RASSF8: variants seen among roughly 807,000 people sequenced by gnomAD.
The protein encoded by RASSF8 is Ras association domain family member 8, also known as ras association domain-containing protein 8.
In RASSF8, 22 loss-of-function variants were observed where a neutral mutation model predicts 48.5. The observed-to-expected ratio is 0.45, with a 90% CI of 0.32 to 0.65. The LOEUF (loss-of-function observed/expected upper bound fraction) is 0.65, where lower values mean the gene tolerates loss of function less well. Ranked by LOEUF, RASSF8 falls within the 30% of genes least tolerant of loss-of-function variation. The pLI is 0.03. For synonymous variants in RASSF8, 127 were observed against 171.5 expected (o/e 0.74, Z 2.03); for missense variants, 418 against 489.2 (o/e 0.85, Z 1.37).
In RASSF8 at chr12:25,967,940, C is replaced by T. The variant is rs112882201; in HGVS notation, c.-203+8792C>T. Among the ~76,000 whole-genome samples, 379 of 152,324 alleles carry T rather than the reference C, an allele frequency of 2.5e-3. 2 individuals are homozygous for T. The highest frequency in any genetic ancestry group is 3.7e-3 in the Non-Finnish European group (252 of 68,038). ...CTCCTCACCATGCACACCCTGGATC[C>T]CGCTGTCTTCGGGGCCCTTCTCTAT... On this transcript the variant is annotated intron_variant, in intron 1 of 5. Coordinates refer to ENST00000689635, the MANE Select transcript of RASSF8 (RefSeq NM_001394098.1).
chr12:25,995,768 C>T (rs1014646020), intron 2 of RASSF8, among the ~76,000 whole-genome samples: 14 of 152,104 alleles, frequency 9.2e-5, no homozygotes, highest in African/African-American at 3.1e-4. Flanking sequence ...ATGACTTATT[C>T]GTCCCAGGAG....
chr12:26,076,985 T>C (rs1318419137), downstream of RASSF8, among the ~76,000 whole-genome samples: 1 of 152,252 alleles, frequency 6.6e-6, no homozygotes, highest in East Asian at 1.9e-4. Flanking sequence ...TATCTCATTG[T>C]GGTTTTGATT....
At chr12:25,993,365 A>G (rs1942058890) in intron 1 of RASSF8, among the ~76,000 whole-genome samples, 1 of 151,318 alleles carries the variant, frequency 6.6e-6, no homozygotes, top group Admixed American at 6.6e-5. Context: ...AGTTTTAGAA[A>G]CTCATTCTCA....
Position 26,064,520 on chromosome 12 carries a change from T to C in RASSF8, c.126T>C (p.Leu42=). 2 of 1,594,670 alleles carry C rather than the reference T, an allele frequency of 1.3e-6. No homozygotes were observed. The highest frequency in any genetic ancestry group is 1.7e-6 in the Non-Finnish European group (2 of 1,168,652). The change falls in exon 4 of 6, where the codon CTT becomes CTC. Residue 42 remains leucine (L), a synonymous_variant. Coordinates refer to ENST00000689635, the MANE Select transcript of RASSF8 (RefSeq NM_001394098.1). Reference sequence around the variant, plus strand: ...TAGGTCGAACTGGAAGGTACACCCTTATAGAGAAATGGAGAGATACTGAAA... The same window carrying C: ...TAGGTCGAACTGGAAGGTACACCCTCATAGAGAAATGGAGAGATACTGAAA... ...QAIGRTGRYT[L]IEKWRDTERH...
chr12:26,033,624 A>T (rs1943072468), intron 2 of RASSF8, among the ~76,000 whole-genome samples: 1 of 152,204 alleles, frequency 6.6e-6, no homozygotes, highest in East Asian at 1.9e-4. Flanking sequence ...TGATAGAGGC[A>T]TAAGATGAAT....
rs139475693 is a variant in RASSF8 at position 26,014,215 on chromosome 12, C to T, written c.-109+19085C>T. Among the ~76,000 whole-genome samples, 43 of 152,294 alleles carry T rather than the reference C, an allele frequency of 2.8e-4. No homozygotes were observed. The East Asian group carries it at 6.7e-3, about 24-fold the overall frequency. On this transcript the variant is annotated intron_variant, in intron 2 of 5. Coordinates refer to ENST00000689635, the MANE Select transcript of RASSF8 (RefSeq NM_001394098.1). ...TTTTAACTAATAACGTTCATACTAG[C>T]GATGAAAACATATGTATGTGTTTCC...
At chr12:26,077,049 T>C (rs1208684099), downstream of RASSF8, among the ~76,000 whole-genome samples, 3 of 151,348 alleles carry the variant, frequency 2.0e-5, no homozygotes, top group African/African-American at 4.9e-5. Context: ...GTCTGTTGGC[T>C]GCATAAATGT....
At chr12:26,033,855 C>T (rs1943076561) in intron 2 of RASSF8, among the ~76,000 whole-genome samples, 2 of 152,108 alleles carry the variant, frequency 1.3e-5, no homozygotes, top group Non-Finnish European at 2.9e-5. Context: ...GTTGTATTGT[C>T]TCCAACTAGT....
intron 5 of RASSF8, among the ~76,000 whole-genome samples, chr12:26,077,909 T>C (rs1944085802): frequency 1.3e-5 from 2 of 152,250 alleles, no homozygotes; most frequent in Admixed American, 1.3e-4. Context: ...TTAAAATACT[T>C]ATCTCTAAAA....
chr12:26,003,175 T>G (rs1942302629), intron 2 of RASSF8, among the ~76,000 whole-genome samples: 1 of 152,206 alleles, frequency 6.6e-6, no homozygotes, highest in Admixed American at 6.5e-5. Context: ...GGATGTTGAA[T>G]TTTATCAAAT....
At chr12:25,999,041 C>A (rs767874202) in intron 2 of RASSF8, among the ~76,000 whole-genome samples, 9 of 151,940 alleles carry the variant, frequency 5.9e-5, no homozygotes, top group Non-Finnish European at 1.0e-4. Context: ...ATAAACAAGA[C>A]AAAGACCTTA....
At chr12:26,051,399 T>A (rs1267447014) in intron 2 of RASSF8, among the ~76,000 whole-genome samples, 1 of 152,218 alleles carries the variant, frequency 6.6e-6, no homozygotes, top group Non-Finnish European at 1.5e-5. Flanking sequence ...TAATGAATAT[T>A]CCTGTTAGTT....
At chr12:26,056,112 G>C (rs1943596926) in intron 3 of RASSF8, among the ~76,000 whole-genome samples, 1 of 152,136 alleles carries the variant, frequency 6.6e-6, no homozygotes, top group South Asian at 2.1e-4. Context: ...TTCAACCCAG[G>C]AGACAGAGGT....
downstream of RASSF8, among the ~76,000 whole-genome samples, chr12:26,073,613 C>G (rs959215046): frequency 6.6e-6 from 1 of 151,922 alleles, no homozygotes; most frequent in Non-Finnish European, 1.5e-5. Context: ...GTGGCGGGCA[C>G]CTGTAGTCCC....
rs1318717612 is a variant in RASSF8, at chr12:26,072,624, A to G, written c.*3806A>G. On this transcript the variant is annotated 3_prime_UTR_variant, in exon 6 of 6. Transcript: ENST00000689635. ...CAATATGTTTTTCTTTATTGACCCT[A>G]GGAGGATTTGAGTTGCTGCAGCTTT... The G allele has an allele frequency of 4.1e-6, 4 of 985,174 alleles. No individual in the cohort carries two copies. The highest frequency in any genetic ancestry group is 4.7e-5 in the South Asian group (1 of 21,292). 61.0% of individuals were successfully genotyped at this position (985,174 alleles called of 1,614,324 possible).
intron 2 of RASSF8, among the ~76,000 whole-genome samples, chr12:26,004,136 C>T (rs1942328580): frequency 6.6e-6 from 1 of 152,150 alleles, no homozygotes; most frequent in African/African-American, 2.4e-5. Context: ...GTGATTGTGC[C>T]ACTGCACTCA....
intron 1 of RASSF8, among the ~76,000 whole-genome samples, chr12:25,981,720 C>A (rs1181020289): frequency 6.6e-6 from 1 of 152,176 alleles, no homozygotes; most frequent in Non-Finnish European, 1.5e-5. Flanking sequence ...AAATTAATCA[C>A]CAAAGCAAAG....
At chr12:26,017,996 G>A (rs1300361912) in intron 2 of RASSF8, among the ~76,000 whole-genome samples, 1 of 152,246 alleles carries the variant, frequency 6.6e-6, no homozygotes, top group African/African-American at 2.4e-5. Flanking sequence ...TAGTTTGTGA[G>A]ATCACGTGAT....
intron 1 of RASSF8, among the ~76,000 whole-genome samples, chr12:25,972,873 C>G (rs1033790690): frequency 6.6e-6 from 1 of 152,206 alleles, no homozygotes; most frequent in African/African-American, 2.4e-5. Flanking sequence ...TCCATAGGCC[C>G]TGTGTTCCTC....
Sources: allele counts gnomAD v4.1 joint callset (sites outside exome capture counted in the v4.1 genomes callset), GRCh38; gene constraint gnomAD v4.1.1; transcripts MANE v1.5; gene names NCBI Gene and HGNC (gene_info 2026-07-23, HGNC 2026-07-21).